KCNH7: variants seen among roughly 807,000 people sequenced by gnomAD.
KCNH7 encodes the protein potassium voltage-gated channel subfamily H member 7, also known as voltage-gated inwardly rectifying potassium channel KCNH7.
Under a neutral mutation model 120.8 loss-of-function variants are expected in KCNH7, and 49 were observed. The observed-to-expected ratio is 0.41, with a 90% CI of 0.32 to 0.51. KCNH7 has a LOEUF of 0.51. Ranked by LOEUF, KCNH7 falls within the 20% of genes least tolerant of loss-of-function variation. The pLI is 0.38. For synonymous variants in KCNH7, 547 were observed against 516.1 expected, an observed-to-expected ratio of 1.06 and a Z score of -0.81; for missense variants, 1,097 against 1,446.6, an observed-to-expected ratio of 0.76 and a Z score of 3.92.
chr2:162,398,760 G>A (rs1256814269), intron 10 of KCNH7, among the ~76,000 whole-genome samples: 1 of 151,900 alleles, frequency 6.6e-6, no homozygotes, highest in African/African-American at 2.4e-5. Context: ...GAAATGCAAT[G>A]AAGCATCCTC....
chr2:162,706,396 T>G (rs776732179), intron 2 of KCNH7, among the ~76,000 whole-genome samples: 3 of 152,102 alleles, frequency 2.0e-5, no homozygotes, highest in Admixed American at 6.6e-5. Context: ...CTTCCCACTA[T>G]GTACTTTATG....
At chr2:162,687,524 A>C (rs1159812284) in intron 2 of KCNH7, among the ~76,000 whole-genome samples, 5 of 152,118 alleles carry the variant, frequency 3.3e-5, no homozygotes, top group African/African-American at 4.8e-5. Flanking sequence ...TTTAACAGGA[A>C]ATATGGCCTG....
intron 2 of KCNH7, among the ~76,000 whole-genome samples, chr2:162,707,646 T>A (rs78533247): frequency 0.024 from 3,619 of 152,162 alleles, 169 homozygotes; most frequent in African/African-American, 0.082. Flanking sequence ...GAAATTCAAA[T>A]AAGGATGTAG....
chr2:162,685,526 C>G (rs1473274247), intron 2 of KCNH7, among the ~76,000 whole-genome samples: 1 of 151,960 alleles, frequency 6.6e-6, no homozygotes, highest in Non-Finnish European at 1.5e-5. Context: ...CGGAAGGAAA[C>G]ACTTGGATTA....
chr2:162,397,585 G>T (rs1257033889), intron 10 of KCNH7, among the ~76,000 whole-genome samples: 2 of 151,742 alleles, frequency 1.3e-5, no homozygotes, highest in Non-Finnish European at 2.9e-5. Context: ...AAAATCTAGG[G>T]TTATTTCAGT....
intron 2 of KCNH7, among the ~76,000 whole-genome samples, chr2:162,779,718 A>T (rs1184687245): frequency 6.6e-6 from 1 of 152,062 alleles, no homozygotes; most frequent in African/African-American, 2.4e-5. Context: ...TGATAACGTC[A>T]CCTGGTGGTA....
At chr2:162,594,160 G>A (rs1694299408) in intron 2 of KCNH7, among the ~76,000 whole-genome samples, 2 of 151,872 alleles carry the variant, frequency 1.3e-5, no homozygotes, top group Admixed American at 1.3e-4. Context: ...GGAAGGTGAG[G>A]GCATATCCTT....
At chr2:162,646,675 A>G (rs2105249386) in intron 2 of KCNH7, among the ~76,000 whole-genome samples, 1 of 152,364 alleles carries the variant, frequency 6.6e-6, no homozygotes, top group South Asian at 2.1e-4. Flanking sequence ...GTTTGAAGAC[A>G]AAGGGGACCA....
At chr2:162,722,813 CTTTTTTTT>C (rs894023630) in intron 2 of KCNH7, among the ~76,000 whole-genome samples, 5 of 85,108 alleles carry the variant, frequency 5.9e-5, no homozygotes, top group East Asian at 8.8e-4. Context: ...TTCTTTTTTT[CTTTTTTTT>C]TTTTTTTTTT....
chr2:162,835,211 T>C (rs551663981), intron 2 of KCNH7, among the ~76,000 whole-genome samples: 1 of 152,236 alleles, frequency 6.6e-6, no homozygotes, highest in South Asian at 2.1e-4. Context: ...ATACTATTGC[T>C]TTCATTCCAG....
intron 2 of KCNH7, among the ~76,000 whole-genome samples, chr2:162,642,062 A>T (rs1308903416): frequency 6.6e-6 from 1 of 152,058 alleles, no homozygotes; most frequent in Admixed American, 6.6e-5. Context: ...GAAACTAAAG[A>T]CTCTTCAGCC....
intron 2 of KCNH7, among the ~76,000 whole-genome samples, chr2:162,731,398 A>G (rs1215791514): frequency 6.6e-6 from 1 of 151,574 alleles, no homozygotes; most frequent in African/African-American, 2.4e-5. Context: ...AAAAGAAAAT[A>G]AAAGGTAAAA....
intron 2 of KCNH7, among the ~76,000 whole-genome samples, chr2:162,829,531 T>C (rs774781937): frequency 6.6e-5 from 10 of 152,102 alleles, no homozygotes; most frequent in Admixed American, 2.6e-4. Context: ...GTTTGGGCTA[T>C]TAGAGATTGT....
At chr2:162,533,367 G>T (rs948675105) in intron 3 of KCNH7, among the ~76,000 whole-genome samples, 2 of 151,752 alleles carry the variant, frequency 1.3e-5, no homozygotes, top group African/African-American at 4.8e-5. Flanking sequence ...AATTAACGTA[G>T]AAGTATCATT....
chr2:162,590,891 A>G lies in KCNH7; in HGVS notation c.308-53811T>C, dbSNP rs148683685. ...CATTAATGTCCTCCAAGGGCTTCCC[A>G]ATATACTAAGAATAAAATTCAAACT... is the stretch of plus-strand genomic sequence containing the variant. On this transcript the variant is annotated intron_variant, in intron 2 of 15. Transcript: ENST00000332142. 3.3e-3 allele frequency among the ~76,000 whole-genome samples: 495 copies of G among 152,270 alleles called. 2 individuals carry two copies. The highest frequency in any genetic ancestry group is 5.1e-3 in the Non-Finnish European group (349 of 68,004).
intron 2 of KCNH7, among the ~76,000 whole-genome samples, chr2:162,727,651 G>A (rs1687579472): frequency 6.6e-6 from 1 of 152,100 alleles, no homozygotes; most frequent in South Asian, 2.1e-4. Flanking sequence ...ATTCATCCAT[G>A]TTGTTACTGT....
chr2:162,611,039 G>A (rs555153901), intron 2 of KCNH7, among the ~76,000 whole-genome samples: 2 of 152,156 alleles, frequency 1.3e-5, no homozygotes, highest in Non-Finnish European at 2.9e-5. Flanking sequence ...CAGCATATGA[G>A]AGTAAATTTA....
At chr2:162,434,413 T>C (rs1372300061) in intron 8 of KCNH7, among the ~76,000 whole-genome samples, 1 of 152,012 alleles carries the variant, frequency 6.6e-6, no homozygotes, top group Non-Finnish European at 1.5e-5. Context: ...TAAAATACGG[T>C]GAAAAAATGA....
chr2:162,722,805 CTTTT>C (rs370399268), intron 2 of KCNH7, among the ~76,000 whole-genome samples: 19 of 79,878 alleles, frequency 2.4e-4, no homozygotes, highest in Middle Eastern at 6.1e-3. Context: ...TTCATTCATT[CTTTT>C]TTTCTTTTTT....
Sources: gnomAD v4.1 joint callset for allele counts (sites outside exome capture counted in the v4.1 genomes callset) on GRCh38, gnomAD v4.1.1 for gene constraint, MANE v1.5 for transcripts, NCBI Gene and HGNC (gene_info 2026-07-23, HGNC 2026-07-21) for gene names.